The following ITPR2 variants were observed in gnomAD, a reference collection of about 807,000 sequenced individuals.
ITPR2 encodes inositol 1,4,5-trisphosphate receptor type 2.
A neutral mutation model predicts 317.1 loss-of-function variants in ITPR2; 207 were observed. That is an observed-to-expected ratio of 0.65 (90% CI 0.58 to 0.73). The LOEUF is 0.73. ITPR2 is among the 30% of genes least tolerant of loss of function. The pLI, the probability that ITPR2 is intolerant of heterozygous loss-of-function variation, is 0.00. For missense variants in ITPR2, 2,613 were observed against 3,284.0 expected (o/e 0.80, Z 4.99); for synonymous variants, 1,156 against 1,149.1 (o/e 1.01, Z -0.12).
At chr12:26,491,482 C>CAAAAA (rs57612774) in intron 39 of ITPR2, among the ~76,000 whole-genome samples, 17 of 57,826 alleles carry the variant, frequency 2.9e-4, no homozygotes, top group African/African-American at 1.2e-3. Context: ...GACTCCATCT[C>CAAAAA]AAAAAAAAAA....
intron 2 of ITPR2, among the ~76,000 whole-genome samples, chr12:26,741,402 T>G (rs1949226397): frequency 6.6e-6 from 1 of 152,276 alleles, no homozygotes; most frequent in East Asian, 1.9e-4. Context: ...CTGATAATTC[T>G]TACCTCCTTT....
chr12:26,670,750 C>A (rs1445202103), intron 13 of ITPR2, among the ~76,000 whole-genome samples: 3 of 152,148 alleles, frequency 2.0e-5, no homozygotes, highest in South Asian at 2.1e-4. Flanking sequence ...TCAAACTACT[C>A]CGAGCTACAG....
At chr12:26,403,060 G>T (rs1940232681) in intron 52 of ITPR2, among the ~76,000 whole-genome samples, 1 of 152,220 alleles carries the variant, frequency 6.6e-6, no homozygotes, top group South Asian at 2.1e-4. Flanking sequence ...TCACAGATGA[G>T]GGCTTCAGTA....
chr12:26,649,124 A>G (rs1384708575), intron 21 of ITPR2: 1 of 152,140 alleles, frequency 6.6e-6, no homozygotes, highest in Non-Finnish European at 1.5e-5. Flanking sequence ...GAATAGTACA[A>G]AGAACTCCCA....
At chr12:26,668,911 G>A (rs528264416) in intron 13 of ITPR2, among the ~76,000 whole-genome samples, 13 of 152,014 alleles carry the variant, frequency 8.6e-5, no homozygotes, top group East Asian at 3.9e-4. Context: ...GCTTGAGCCC[G>A]AGTTCAAAAT....
intron 45 of ITPR2, 46 bp downstream of exon 45, chr12:26,475,250 G>T: frequency 1.2e-6 from 2 of 1,606,360 alleles, no homozygotes; most frequent in Non-Finnish European, 1.7e-6. Flanking sequence ...TACAAAACAC[G>T]ATTGATAGGA....
In ITPR2 at chr12:26,711,281, C is replaced by T. The variant is rs1453883575; in HGVS notation, c.856-13G>A. 3.8e-6 allele frequency: 6 copies of T among 1,573,886 alleles called. No homozygotes were observed. The highest frequency in any genetic ancestry group is 5.2e-6 in the Non-Finnish European group (6 of 1,143,496). On this transcript the variant is annotated splice_polypyrimidine_tract_variant and intron_variant, in intron 8 of 56. Coordinates refer to ENST00000381340, the MANE Select transcript of ITPR2 (RefSeq NM_002223.4). ...CATGATGAACCACCTACAAAGAGAG[C>T]AACGATAGTAATGGCAAAACAATAT...
intron 2 of ITPR2, among the ~76,000 whole-genome samples, chr12:26,768,592 A>C (rs1271940654): frequency 7.2e-6 from 1 of 138,736 alleles, no homozygotes; most frequent in Non-Finnish European, 1.5e-5. Context: ...AAAAAAAAAA[A>C]AAAAACCTCC....
chr12:26,449,268 T>C (rs1941682924), intron 45 of ITPR2, among the ~76,000 whole-genome samples: 1 of 152,184 alleles, frequency 6.6e-6, no homozygotes, highest in Non-Finnish European at 1.5e-5. Context: ...GCAATTGTAT[T>C]ACAATACAAT....
chr12:26,759,986 C>G (rs915653783), intron 2 of ITPR2, among the ~76,000 whole-genome samples: 1 of 152,126 alleles, frequency 6.6e-6, no homozygotes, highest in African/African-American at 2.4e-5. Flanking sequence ...CTGCAGATAC[C>G]AAAATCTACA....
At chr12:26,806,253 G>A (rs1019161231) in intron 1 of ITPR2, among the ~76,000 whole-genome samples, 5 of 151,904 alleles carry the variant, frequency 3.3e-5, no homozygotes, top group East Asian at 1.9e-4. Flanking sequence ...TTCAGAGCCC[G>A]AAAACTAGAC....
intron 36 of ITPR2, among the ~76,000 whole-genome samples, chr12:26,554,641 G>A (rs547214483): frequency 1.2e-3 from 176 of 152,262 alleles, no homozygotes; most frequent in African/African-American, 3.8e-3. Context: ...GTCACATCTC[G>A]GGGATATAGC....
At chr12:26,604,966 T>C (rs992473826) in intron 26 of ITPR2, among the ~76,000 whole-genome samples, 6 of 151,678 alleles carry the variant, frequency 4.0e-5, no homozygotes, top group African/African-American at 1.5e-4. Context: ...TGGATGCCTG[T>C]AATCCCAGCT....
chr12:26,504,104 A>C (rs574287500), intron 37 of ITPR2, among the ~76,000 whole-genome samples: 1 of 152,348 alleles, frequency 6.6e-6, no homozygotes, highest in African/African-American at 2.4e-5. Context: ...ATTCTTCAGA[A>C]GATAATTTAG....
chr12:26,615,253 C>T (rs1946351049), intron 26 of ITPR2, among the ~76,000 whole-genome samples: 1 of 151,722 alleles, frequency 6.6e-6, no homozygotes, highest in Admixed American at 6.6e-5. Context: ...CATAAAACAG[C>T]CATAGGGAAT....
At chr12:26,493,998 GCAAA>G (rs983904549) in intron 39 of ITPR2, 151 bp downstream of exon 39, 2 of 559,654 alleles carry the variant, frequency 3.6e-6, no homozygotes, top group African/African-American at 2.0e-5. Context: ...AGTTTCTACA[GCAAA>G]CAAATTTAAG....
At chr12:26,417,758 G>T (rs907911240) in intron 50 of ITPR2, among the ~76,000 whole-genome samples, 2 of 151,014 alleles carry the variant, frequency 1.3e-5, no homozygotes, top group African/African-American at 4.9e-5. Flanking sequence ...AATGGATCTT[G>T]ATATTCCTAT....
chr12:26,523,728 C>G (rs938739772), intron 37 of ITPR2, among the ~76,000 whole-genome samples: 3 of 152,190 alleles, frequency 2.0e-5, no homozygotes, highest in Admixed American at 6.5e-5. Context: ...TTATGTGCAG[C>G]TAATCAACCC....
At chr12:26,772,390 A>T (rs1402236441) in intron 2 of ITPR2, among the ~76,000 whole-genome samples, 4 of 133,262 alleles carry the variant, frequency 3.0e-5, no homozygotes, top group Admixed American at 7.9e-5. Flanking sequence ...CTTGTGTTAT[A>T]TTATATATAT....
Sources: allele counts gnomAD v4.1 joint callset (sites outside exome capture counted in the v4.1 genomes callset), GRCh38; gene constraint gnomAD v4.1.1; transcripts MANE v1.5; gene names NCBI Gene and HGNC (gene_info 2026-07-23, HGNC 2026-07-21).